Variants in GEMIN5 observed in about 807,000 individuals in gnomAD.
The protein encoded by GEMIN5 is gem nuclear organelle associated protein 5.
Under a neutral mutation model 176.9 loss-of-function variants are expected in GEMIN5, and 124 were observed. The observed-to-expected ratio is 0.70, with a 90% confidence interval of 0.61 to 0.81. The LOEUF is 0.81. Among genes scored for constraint, GEMIN5 ranks in the 40% least tolerant of loss-of-function variants. The pLI is 0.00. For synonymous variants in GEMIN5, 673 were observed against 665.2 expected (o/e 1.01, Z -0.18); for missense variants, 1,843 against 1,814.6 (o/e 1.02, Z -0.28).
rs1459740503 is a variant in GEMIN5, at chr5:154,925,076, ATC to A, written c.1294-524_1294-523del. Among the ~76,000 whole-genome samples, 6 of 152,362 alleles carry A rather than the reference ATC, an allele frequency of 3.9e-5. No homozygotes were observed. In the East Asian group the frequency reaches 7.7e-4, roughly 20 times the overall value. ...TCAAAAAACCGACTGCAGATGTTGT[ATC>A]TCTCTTTCCAGATATTTTTGTGAAT... On this transcript the variant is annotated intron_variant, in intron 8 of 27. Transcript: ENST00000285873.
chr5:154,898,534 GACA>G lies in GEMIN5; in HGVS notation c.3248_3250del (p.Leu1083del), dbSNP rs1347393509. 1 of 1,614,088 alleles carries G rather than the reference GACA, an allele frequency of 6.2e-7. No individual in the cohort carries two copies. The highest frequency in any genetic ancestry group is 1.3e-5 in the African/African-American group (1 of 74,932). On this transcript the variant is annotated inframe_deletion, in exon 23 of 28. Transcript: ENST00000285873. ...GGCACATCTGAGAGCCAGGGAAGCA[GACA>G]ACTCATCCTCTCCTACGATGGCAGC... is the stretch of plus-strand genomic sequence containing the variant.
At chr5:154,937,355 T>A (rs1433159168) in intron 1 of GEMIN5, among the ~76,000 whole-genome samples, 170 bp from the exon 2 acceptor site, 2 of 152,238 alleles carry the variant, frequency 1.3e-5, no homozygotes, top group African/African-American at 4.8e-5. Flanking sequence ...TGATATTGGC[T>A]GTGCCACGTG....
In GEMIN5 at chr5:154,896,168, T is replaced by C. The variant is rs199873728; in HGVS notation, c.3521A>G (p.Glu1174Gly). ...WKSIFSLDTP[E>G]QYQEAFQKLQ... is the part of the protein sequence containing the mutation. ...CTTCTGAAAGGCTTCCTGATACTGC[T>C]CAGGGGTGTCAAGGCTGAAGATGCT... Residue 1174 changes from glutamate (E) to glycine (G), a missense_variant, in exon 24 of 28, where the codon GAG (glutamate) becomes GGG (glycine). By Grantham distance (98) the Glu-to-Gly change is moderately conservative. Coordinates refer to ENST00000285873, the MANE Select transcript of GEMIN5 (RefSeq NM_015465.5). 1.9e-6 allele frequency: 3 copies of C among 1,614,066 alleles called. No homozygotes were observed. The highest frequency in any genetic ancestry group is 2.2e-5 in the East Asian group (1 of 44,872).
At chr5:154,903,210 G>A in intron 18 of GEMIN5, 35 bp from the exon 19 acceptor site, 1 of 1,319,708 alleles carries the variant, frequency 7.6e-7, no homozygotes, top group African/African-American at 1.4e-5. Flanking sequence ...ATCAGATGAA[G>A]TCATTACATT....
chr5:154,901,956 A>G (rs1322565092), intron 20 of GEMIN5, among the ~76,000 whole-genome samples: 1 of 152,142 alleles, frequency 6.6e-6, no homozygotes, highest in African/African-American at 2.4e-5. Context: ...ACATGTCACC[A>G]TGCCCAGATA....
chr5:154,917,951 C>A lies in GEMIN5; in HGVS notation c.1653G>T (p.Met551Ile), dbSNP rs1391030477. The A allele has an allele frequency of 5.0e-6, 8 of 1,611,130 alleles. No individual in the cohort carries two copies. Among genetic ancestry groups the A allele is most frequent in the Non-Finnish European group, 6.8e-6 (8 of 1,177,418 alleles). ...CATACCCATCTTCATTGCCAAGAGC[C>A]ATGATTTTGCCATCTGCTTTCCAAC... Reference protein sequence around the residue: ...EISWKADGKIMALGNEDGSIE... With the variant: ...EISWKADGKIIALGNEDGSIE... The change falls in exon 12 of 28, where the codon ATG (methionine) becomes ATT (isoleucine). Residue 551 changes from methionine (M) to isoleucine (I), a missense_variant. Met to Ile is a conservative substitution (Grantham distance 10, BLOSUM62 1). Coordinates refer to ENST00000285873, the MANE Select transcript of GEMIN5 (RefSeq NM_015465.5).
chr5:154,904,694 T>A, intron 17 of GEMIN5, 65 bp from the exon 18 acceptor site: 1 of 1,310,790 alleles, frequency 7.6e-7, no homozygotes, highest in Non-Finnish European at 1.1e-6. Context: ...ACGGAATGCC[T>A]ATTGTGTGAA....
rs1764063459 is a variant in GEMIN5, at chr5:154,927,378, T to C, written c.1080+7A>G. ...CTACAATGCTGAGTGAAAATAAGCATTCTTACATCTCTATCCATTGATGTA... is the reference window on the plus strand; with the variant it reads ...CTACAATGCTGAGTGAAAATAAGCACTCTTACATCTCTATCCATTGATGTA... On this transcript the variant is annotated splice_region_variant and intron_variant, in intron 7 of 27. Coordinates refer to ENST00000285873, the MANE Select transcript of GEMIN5 (RefSeq NM_015465.5). 7 of 1,557,934 alleles carry C rather than the reference T, an allele frequency of 4.5e-6. No individual in the cohort carries two copies. The East Asian group carries it at 6.8e-5, about 15-fold the overall frequency.
At chr5:154,936,996 C>A in intron 2 of GEMIN5, 29 bp downstream of exon 2, 1 of 1,584,978 alleles carries the variant, frequency 6.3e-7, no homozygotes, top group Non-Finnish European at 8.6e-7. Context: ...TAGATAAAAA[C>A]GGTTTGAGAA....
In GEMIN5 at chr5:154,904,584, C is replaced by T. The variant is rs930948733; in HGVS notation, c.2555G>A (p.Ser852Asn). 6.2e-7 allele frequency: 1 copy of T among 1,612,428 alleles called. No individual in the cohort carries two copies. Among genetic ancestry groups the T allele is most frequent in the Non-Finnish European group, 8.5e-7 (1 of 1,178,480 alleles). The change falls in exon 18 of 28, where the codon AGT becomes AAT. Residue 852 changes from serine (S) to asparagine (N), a missense_variant. Physicochemically the swap from Ser to Asn is conservative, Grantham distance 46 (BLOSUM62 1). Coordinates refer to ENST00000285873, the MANE Select transcript of GEMIN5 (RefSeq NM_015465.5). ...TTTGGATCTGTGGTCCAGGCTTGTA[C>T]TCAGGGGAAGCAAGGAACGAGCTTT... ...KRKARSLLPL[S>N]TSLDHRSKEE...
At chr5:154,937,245 C>A in intron 1 of GEMIN5, 60 bp from the exon 2 acceptor site, 1 of 1,400,370 alleles carries the variant, frequency 7.1e-7, no homozygotes, top group South Asian at 1.3e-5. Context: ...CTGGCAGAAT[C>A]ATACTGTTGT....
At chr5:154,906,569 C>G (rs112557283) in intron 16 of GEMIN5, among the ~76,000 whole-genome samples, 4 of 152,094 alleles carry the variant, frequency 2.6e-5, no homozygotes, top group African/African-American at 9.6e-5. Flanking sequence ...GAAAGAAAGA[C>G]TTTTTAAAAA....
Position 154,907,779 on chromosome 5 carries a change from TGA to T in GEMIN5, c.2205_2206del (p.Gln736ThrfsTer2). The T allele has an allele frequency of 4.3e-6, 7 of 1,613,946 alleles. No homozygotes were observed. Among genetic ancestry groups the T allele is most frequent in the Non-Finnish European group, 5.9e-6 (7 of 1,179,992 alleles). ...CTTCTTTTTGGGCTTTGCCTTAGGT[TGA>T]GAGAGCCGTTTTTTCTCCAATTCAA... On this transcript the variant is annotated frameshift_variant, in exon 16 of 28. Coordinates refer to ENST00000285873, the MANE Select transcript of GEMIN5 (RefSeq NM_015465.5). LOFTEE classifies it high-confidence loss of function.
chr5:154,911,555 A>G lies in GEMIN5; in HGVS notation c.2167+172T>C, dbSNP rs1335154677. 2.0e-5 allele frequency among the ~76,000 whole-genome samples: 3 copies of G among 152,096 alleles called. No homozygotes were observed. In the East Asian group the frequency reaches 5.8e-4, roughly 29 times the overall value. On this transcript the variant is annotated intron_variant, in intron 15 of 27. Coordinates refer to ENST00000285873, the MANE Select transcript of GEMIN5 (RefSeq NM_015465.5). ...CTGAGTGCTAGGTATGCTCTTTCCT[A>G]TTGTGGGTGGTGTTGTTCTCAAGCC...
At chr5:154,925,061 G>A (rs982860043) in intron 8 of GEMIN5, among the ~76,000 whole-genome samples, 5 of 151,954 alleles carry the variant, frequency 3.3e-5, no homozygotes, top group African/African-American at 9.7e-5. Context: ...TCAAAAAACC[G>A]ACTGCAGATG....
intron 15 of GEMIN5, among the ~76,000 whole-genome samples, chr5:154,908,755 G>T (rs1483210780): frequency 6.6e-6 from 1 of 152,196 alleles, no homozygotes; most frequent in African/African-American, 2.4e-5. Context: ...GGCAATCTAT[G>T]AGGTAGCAGC....
intron 3 of GEMIN5, among the ~76,000 whole-genome samples, chr5:154,935,205 T>C (rs750197009): frequency 3.9e-5 from 6 of 152,252 alleles, no homozygotes; most frequent in East Asian, 1.9e-4. Context: ...TGCACATTTT[T>C]ACAACAAACT....
Position 154,938,088 on chromosome 5 carries a change from A to T in GEMIN5, c.46T>A (p.Cys16Ser). 6.7e-7 allele frequency: 1 copy of T among 1,488,838 alleles called. No individual in the cohort carries two copies. The highest frequency in any genetic ancestry group is 8.9e-7 in the Non-Finnish European group (1 of 1,122,330). 92.2% of individuals were successfully genotyped at this position (1,488,838 alleles called of 1,614,324 possible). The change falls in exon 1 of 28, where the codon TGC becomes AGC. Residue 16 changes from cysteine to serine, a missense_variant. By Grantham distance (112) the Cys-to-Ser change is moderately radical. Transcript: ENST00000285873. ...RTLPPSPNWY[C>S]ARCSDAVPGG... ...GGCACGGCATCGCTGCAGCGGGCGCAGTACCAGTTGGGGGAGGGCGGCAGC... is the reference window on the plus strand; with the variant it reads ...GGCACGGCATCGCTGCAGCGGGCGCTGTACCAGTTGGGGGAGGGCGGCAGC...
At chr5:154,914,074 G>A (rs1252098477) in intron 13 of GEMIN5, among the ~76,000 whole-genome samples, 1 of 151,680 alleles carries the variant, frequency 6.6e-6, no homozygotes, top group Non-Finnish European at 1.5e-5. Context: ...AGGCTGGAGT[G>A]CAATGGCACG....
Sources: gnomAD v4.1 joint callset for allele counts (sites outside exome capture counted in the v4.1 genomes callset) on GRCh38, gnomAD v4.1.1 for gene constraint, MANE v1.5 for transcripts, NCBI Gene and HGNC (gene_info 2026-07-23, HGNC 2026-07-21) for gene names.